The following MSRB3 variants were observed in gnomAD, a reference collection of about 807,000 sequenced individuals.
MSRB3 encodes the protein methionine sulfoxide reductase B3.
MSRB3 carries 13 observed loss-of-function variants against 21.0 expected under a neutral mutation model. That is an observed-to-expected ratio of 0.62 (90% confidence interval 0.40 to 0.98). The LOEUF (loss-of-function observed/expected upper bound fraction) is 0.98. Ranked by LOEUF, MSRB3 falls within the 50% of genes least tolerant of loss-of-function variation. MSRB3 has a pLI of 0.00. For synonymous variants in MSRB3, 87 were observed against 88.6 expected, an observed-to-expected ratio of 0.98 and a Z score of 0.10; for missense variants, 199 against 230.3, an observed-to-expected ratio of 0.86 and a Z score of 0.88.
rs1456360968 is a variant in MSRB3, at chr12:65,350,125, T to G, written c.264-18873T>G. On this transcript the variant is annotated intron_variant, in intron 4 of 6. Coordinates refer to ENST00000308259, the MANE Select transcript of MSRB3 (RefSeq NM_001031679.3). ...AGGGATCCAGTTTCAGCTATCTACA[T>G]ATGGCTAGCCAGTTTTCCCAGCACC... 3.3e-5 allele frequency among the ~76,000 whole-genome samples: 5 copies of G among 152,098 alleles called. No homozygotes were observed. The East Asian group carries it at 9.7e-4, about 30-fold the overall frequency.
chr12:65,434,834 A>G (rs889569075), intron 5 of MSRB3, among the ~76,000 whole-genome samples: 1 of 151,914 alleles, frequency 6.6e-6, no homozygotes, highest in African/African-American at 2.4e-5. Flanking sequence ...TGGTCTTTGT[A>G]ACAGCTTTGT....
chr12:65,414,850 G>A (rs1300215280), intron 5 of MSRB3, among the ~76,000 whole-genome samples: 1 of 152,174 alleles, frequency 6.6e-6, no homozygotes, highest in Non-Finnish European at 1.5e-5. Flanking sequence ...ATAAGTTCAG[G>A]TGGGGCCTGG....
intron 1 of MSRB3, among the ~76,000 whole-genome samples, chr12:65,301,625 T>C (rs1160414302): frequency 6.6e-6 from 1 of 152,140 alleles, no homozygotes. Context: ...TCATGGAAGG[T>C]TAGAAGGTCC....
At chr12:65,452,608 A>G (rs549527520) in intron 5 of MSRB3, among the ~76,000 whole-genome samples, 8 of 152,002 alleles carry the variant, frequency 5.3e-5, no homozygotes, top group Non-Finnish European at 1.2e-4. Flanking sequence ...AGGTGTTAAC[A>G]CTCTTGGTGT....
rs146409445 is a variant in MSRB3 at position 65,325,344 on chromosome 12, G to A, written c.77-1482G>A. Reference sequence around the variant, plus strand: ...CATTAGTGACATGCCTGCTGTGCCTGTGGATCTTTGCAGGCCAGGGAAGGG... The same window carrying A: ...CATTAGTGACATGCCTGCTGTGCCTATGGATCTTTGCAGGCCAGGGAAGGG... On this transcript the variant is annotated intron_variant, in intron 2 of 6. Transcript: ENST00000308259. 7.9e-5 allele frequency among the ~76,000 whole-genome samples: 12 copies of A among 152,356 alleles called. No homozygotes were observed. The East Asian group carries it at 1.4e-3, about 17-fold the overall frequency.
At chr12:65,394,599 C>T (rs1879676229) in intron 5 of MSRB3, among the ~76,000 whole-genome samples, 1 of 152,168 alleles carries the variant, frequency 6.6e-6, no homozygotes, top group Admixed American at 6.6e-5. Context: ...TCTACAGGGT[C>T]ACTATGACCC....
At chr12:65,402,491 G>C in intron 5 of MSRB3, among the ~76,000 whole-genome samples, 1 of 152,206 alleles carries the variant, frequency 6.6e-6, no homozygotes, top group East Asian at 1.9e-4. Flanking sequence ...CTCTAAACTG[G>C]TTATTCTAGT....
At chr12:65,365,671 T>C (rs574798994) in intron 4 of MSRB3, among the ~76,000 whole-genome samples, 52 of 152,280 alleles carry the variant, frequency 3.4e-4, no homozygotes, top group African/African-American at 1.2e-3. Flanking sequence ...AATGGTAGCA[T>C]AGATACATAC....
At chr12:65,283,851 G>A (rs895507598) in intron 1 of MSRB3, 2 of 152,140 alleles carry the variant, frequency 1.3e-5, no homozygotes, top group African/African-American at 2.4e-5. Context: ...TGAAATTGGA[G>A]TTCAATCACT....
intron 5 of MSRB3, among the ~76,000 whole-genome samples, chr12:65,371,543 A>C (rs906446354): frequency 6.6e-6 from 1 of 151,806 alleles, no homozygotes; most frequent in African/African-American, 2.4e-5. Context: ...GTGACCAGCC[A>C]TAACGGAAAG....
chr12:65,440,287 G>C (rs184729030), intron 5 of MSRB3, among the ~76,000 whole-genome samples: 1 of 150,912 alleles, frequency 6.6e-6, no homozygotes, highest in South Asian at 2.1e-4. Flanking sequence ...CCCAGAAACC[G>C]CAAAAAAAAG....
At chr12:65,300,040 T>C (rs1235906121) in intron 1 of MSRB3, among the ~76,000 whole-genome samples, 2 of 152,180 alleles carry the variant, frequency 1.3e-5, no homozygotes, top group Non-Finnish European at 2.9e-5. Flanking sequence ...AATGGATTGA[T>C]TTTCCTTGTA....
chr12:65,319,237 C>G (rs1306589338), intron 2 of MSRB3, among the ~76,000 whole-genome samples: 1 of 151,858 alleles, frequency 6.6e-6, no homozygotes, highest in East Asian at 1.9e-4. Flanking sequence ...ACATTTTATC[C>G]TGGTTTCTTT....
At chr12:65,339,588 T>A (rs1236086763) in intron 4 of MSRB3, among the ~76,000 whole-genome samples, 1 of 152,240 alleles carries the variant, frequency 6.6e-6, no homozygotes. Flanking sequence ...ATATGACAGT[T>A]GTAAATAATG....
At chr12:65,408,931 C>T (rs1880567986) in intron 5 of MSRB3, among the ~76,000 whole-genome samples, 1 of 152,092 alleles carries the variant, frequency 6.6e-6, no homozygotes, top group African/African-American at 2.4e-5. Flanking sequence ...CTACTTTCCC[C>T]TTCCCCCTGC....
chr12:65,387,273 C>A (rs1411935458), intron 5 of MSRB3, among the ~76,000 whole-genome samples: 1 of 152,050 alleles, frequency 6.6e-6, no homozygotes, highest in African/African-American at 2.4e-5. Context: ...TGTGAAATAG[C>A]CTTCCAGAAA....
At chr12:65,314,969 A>G (rs949091824) in intron 2 of MSRB3, among the ~76,000 whole-genome samples, 14 of 152,204 alleles carry the variant, frequency 9.2e-5, no homozygotes, top group Admixed American at 2.6e-4. Flanking sequence ...AGGATTTATT[A>G]AAATGAGCTA....
intron 5 of MSRB3, among the ~76,000 whole-genome samples, chr12:65,451,025 A>G (rs191822245): frequency 3.3e-5 from 5 of 152,320 alleles, no homozygotes; most frequent in Admixed American, 2.6e-4. Context: ...TGAGAAGTCT[A>G]GCAAAGCAAC....
At chr12:65,420,408 T>G (rs1167790593) in intron 5 of MSRB3, among the ~76,000 whole-genome samples, 1 of 151,956 alleles carries the variant, frequency 6.6e-6, no homozygotes, top group Non-Finnish European at 1.5e-5. Flanking sequence ...TTTAAGATTT[T>G]TTTTTTCTAT....
Sources: gnomAD v4.1 joint callset for allele counts (sites outside exome capture counted in the v4.1 genomes callset) on GRCh38, gnomAD v4.1.1 for gene constraint, MANE v1.5 for transcripts, NCBI Gene and HGNC (gene_info 2026-07-23, HGNC 2026-07-21) for gene names.